The following TPR variants were observed in gnomAD, a reference collection of about 807,000 sequenced individuals.
TPR encodes the protein translocated promoter region, nuclear basket protein, also known as nucleoprotein TPR.
A neutral mutation model predicts 316.1 loss-of-function variants in TPR; 51 were observed. The ratio of observed to expected loss-of-function variants is 0.16; its 90% CI spans 0.13 to 0.20. The LOEUF is 0.20. TPR is among the 10% of genes least tolerant of loss of function. The probability of loss-of-function intolerance (pLI) is 1.00; values close to 1 mark genes in which losing one functional copy is unlikely to be tolerated. For synonymous variants in TPR, 981 were observed against 914.7 expected (o/e 1.07, Z -1.31); for missense variants, 2,272 against 2,754.8 (o/e 0.82, Z 3.92).
rs1353512652 is a variant in TPR at position 186,333,104 on chromosome 1, T to C, written c.5455+18A>G. Reference sequence around the variant, plus strand: ...AATGCATAGGTCTACTCTGACTTCATTTTAAAATTAATTTTACCTGTGCCA... The same window carrying C: ...AATGCATAGGTCTACTCTGACTTCACTTTAAAATTAATTTTACCTGTGCCA... On this transcript the variant is annotated intron_variant, in intron 37 of 50. Transcript: ENST00000367478. 5 of 1,611,326 alleles carry C rather than the reference T, an allele frequency of 3.1e-6. No homozygotes were observed. The highest frequency in any genetic ancestry group is 2.2e-5 in the East Asian group (1 of 44,822).
intron 46 of TPR, 43 bp downstream of exon 46, chr1:186,320,268 CA>C: frequency 6.7e-7 from 1 of 1,500,604 alleles, no homozygotes; most frequent in Non-Finnish European, 9.1e-7. Context: ...AGTTTATTAC[CA>C]AATACATACA....
chr1:186,360,648 T>G, intron 10 of TPR, 117 bp downstream of exon 10: 1 of 1,328,114 alleles, frequency 7.5e-7, no homozygotes, highest in Non-Finnish European at 1.0e-6. Flanking sequence ...TTAATATAAC[T>G]CGATGGAGTT....
At chr1:186,345,762 T>C in intron 23 of TPR, 66 bp from the exon 24 acceptor site, 1 of 1,125,134 alleles carries the variant, frequency 8.9e-7, no homozygotes, top group Non-Finnish European at 1.3e-6. Context: ...TACTGTATTG[T>C]AGTGTTACTA....
In TPR at chr1:186,360,354, C is replaced by G. The variant is rs373366072; in HGVS notation, c.1110G>C (p.Leu370Phe). The G allele has an allele frequency of 6.8e-6, 11 of 1,613,024 alleles. No homozygotes were observed. Among genetic ancestry groups the G allele is most frequent in the Non-Finnish European group, 7.6e-6 (9 of 1,179,414 alleles). ...LSATKRKGAI[L>F]SEEELAAMSP... ...ACATGGCGGCAAGCTCTTCTTCAGA[C>G]AATATGGCTCCTGTGCCAACAAATA... The change falls in exon 11 of 51, where the codon TTG (leucine) becomes TTC (phenylalanine). Residue 370 changes from leucine (L) to phenylalanine (F), a missense_variant. Physicochemically the swap from Leu to Phe is conservative, Grantham distance 22. This residue lies in a region of TPR where 549 missense variants were observed against 598.6 expected (regional missense o/e 0.92). Transcript: ENST00000367478.
At chr1:186,360,677 C>A in intron 10 of TPR, 88 bp downstream of exon 10, 1 of 1,535,090 alleles carries the variant, frequency 6.5e-7, no homozygotes, top group East Asian at 2.3e-5. Flanking sequence ...CACAGCATGA[C>A]AGATAAATAC....
intron 4 of TPR, among the ~76,000 whole-genome samples, chr1:186,365,102 C>CATTTTTT (rs549018792): frequency 7.3e-6 from 1 of 137,198 alleles, no homozygotes; most frequent in African/African-American, 2.7e-5. Context: ...AGGGGCTGCC[C>CATTTTTT]TTTTTTTTTT....
intron 45 of TPR, 147 bp from the exon 46 acceptor site, chr1:186,320,565 G>C: frequency 1.5e-6 from 1 of 687,742 alleles, no homozygotes. Flanking sequence ...TATTTTAAAG[G>C]GTTTCTTACT....
At chr1:186,321,542 A>G (rs1657777241) in intron 45 of TPR, among the ~76,000 whole-genome samples, 2 of 152,216 alleles carry the variant, frequency 1.3e-5, no homozygotes, top group Admixed American at 6.5e-5. Flanking sequence ...TCAGTATACT[A>G]TAAGATGACA....
At position 186,316,798 on chromosome 1, in the gene TPR, C is replaced by T. The variant is rs184629655; in HGVS notation, c.6940+684G>A. ...GATGAATATCTACCGCACTGAGTTG[C>T]GAGAATCAAATAAGGAAATATAAGT... On this transcript the variant is annotated intron_variant, in intron 49 of 50. Coordinates refer to ENST00000367478, the MANE Select transcript of TPR (RefSeq NM_003292.3). Among the ~76,000 whole-genome samples, 131 of 152,086 alleles carry T rather than the reference C, an allele frequency of 8.6e-4. 4 individuals carry two copies. Among genetic ancestry groups the T allele is most frequent in the East Asian group, 6.2e-3 (32 of 5,176 alleles).
Position 186,343,976 on chromosome 1 carries a change from C to T in TPR, c.3532G>A (p.Val1178Ile), listed in dbSNP as rs58030082. The T allele has an allele frequency of 2.5e-3, 4,016 of 1,614,142 alleles. 122 individuals are homozygous for T. In the East Asian group the frequency reaches 0.069, roughly 28 times the overall value. Residue 1178 changes from valine (V) to isoleucine (I), a missense_variant, in exon 26 of 51, where the codon GTA becomes ATA. Val to Ile is a conservative substitution (Grantham distance 29). This residue lies in a region of TPR where 757 missense variants were observed against 859.8 expected (regional missense o/e 0.88). Coordinates refer to ENST00000367478, the MANE Select transcript of TPR (RefSeq NM_003292.3). ...DKVVASVKEG[V>I]QGPLNVSLSE... ...AGAGATACATTCAGTGGACCTTGTA[C>T]ACCTTCCTTCACAGAGGCAACGACC...
chr1:186,319,610 A>G (rs1214000464), intron 46 of TPR, among the ~76,000 whole-genome samples: 1 of 152,208 alleles, frequency 6.6e-6, no homozygotes, highest in East Asian at 1.9e-4. Flanking sequence ...GTTAGAACTA[A>G]TATCCTAAAC....
At position 186,345,596 on chromosome 1, in the gene TPR, C is replaced by A. The variant is rs773662466; in HGVS notation, c.3197G>T (p.Arg1066Leu). 3.7e-6 allele frequency: 6 copies of A among 1,613,052 alleles called. No homozygotes were observed. Among genetic ancestry groups the A allele is most frequent in the Admixed American group, 1.7e-5 (1 of 59,984 alleles). Residue 1066 changes from arginine (R) to leucine (L), a missense_variant, in exon 24 of 51, where the codon CGT (arginine) becomes CTT (leucine). By Grantham distance (102) the Arg-to-Leu change is moderately radical. Coordinates refer to ENST00000367478, the MANE Select transcript of TPR (RefSeq NM_003292.3). ...TALSNEQQAR[R>L]DCQEQAKIAV... The stretch of plus-strand genomic sequence containing the variant: ...TATACTTACTTGTTCCTGACAGTCA[C>A]GTCTGGCTTGCTGCTCATTACTTAA...
Position 186,312,947 on chromosome 1 carries a change from T to C in TPR, c.*1024A>G, listed in dbSNP as rs992158698. ...GGAGGTGATATCATTTGTGAAAACA[T>C]GAAGATAAAGTAAAAATGCTGGCTG... On this transcript the variant is annotated 3_prime_UTR_variant, in exon 51 of 51. Transcript: ENST00000367478. 2.0e-5 allele frequency: 32 copies of C among 1,561,992 alleles called. No individual in the cohort carries two copies. The African/African-American group carries it at 3.1e-4, about 15-fold the overall frequency.
intron 25 of TPR, 100 bp downstream of exon 25, chr1:186,344,275 T>A (rs2102075917): frequency 2.1e-6 from 3 of 1,445,616 alleles, no homozygotes; most frequent in Non-Finnish European, 2.8e-6. Flanking sequence ...CACTCCAGCA[T>A]GGGTGACAGA....
intron 30 of TPR, 72 bp from the exon 31 acceptor site, chr1:186,338,315 CT>C: frequency 7.9e-7 from 1 of 1,263,362 alleles, no homozygotes; most frequent in Non-Finnish European, 1.1e-6. Context: ...TCCAATGTAA[CT>C]TTATGTTATA....
At chr1:186,320,756 A>C (rs1657753283) in intron 45 of TPR, among the ~76,000 whole-genome samples, 1 of 152,148 alleles carries the variant, frequency 6.6e-6, no homozygotes, top group South Asian at 2.1e-4. Flanking sequence ...TAACAAAAAG[A>C]GTTGTTAGAA....
At chr1:186,366,641 CAA>C (rs1278429000) in intron 4 of TPR, among the ~76,000 whole-genome samples, 7 of 152,094 alleles carry the variant, frequency 4.6e-5, no homozygotes, top group Non-Finnish European at 8.8e-5. Context: ...AAATATATGA[CAA>C]AAAATTGAAA....
At position 186,350,408 on chromosome 1, in the gene TPR, T is replaced by TA; in HGVS notation, c.2611-21dup. The TA allele has an allele frequency of 6.5e-7, 1 of 1,528,840 alleles. No homozygotes were observed. Among genetic ancestry groups the TA allele is most frequent in the Admixed American group, 2.0e-5 (1 of 49,178 alleles). 94.7% of individuals were successfully genotyped at this position (1,528,840 alleles called of 1,614,324 possible). On this transcript the variant is annotated intron_variant, in intron 20 of 50. Transcript: ENST00000367478. The stretch of plus-strand genomic sequence containing the variant: ...TTGAACCTATAAAATACATTAATCT[T>TA]ATAACATTCTTTAGGTTCCTAAGTA...
chr1:186,351,204 G>A, intron 20 of TPR, 126 bp downstream of exon 20: 1 of 1,128,514 alleles, frequency 8.9e-7, no homozygotes, highest in African/African-American at 1.6e-5. Flanking sequence ...ATAGAGTGAG[G>A]CAAGAAAAAC....
Sources: allele counts gnomAD v4.1 joint callset (sites outside exome capture counted in the v4.1 genomes callset), GRCh38; gene constraint gnomAD v4.1.1; regional missense constraint gnomAD v4.1.1; transcripts MANE v1.5; gene names NCBI Gene and HGNC (gene_info 2026-07-23, HGNC 2026-07-21).